The following DMD variants were observed in gnomAD, a reference collection of about 807,000 sequenced individuals.
The protein encoded by DMD is dystrophin.
In DMD, 63 loss-of-function variants were observed where a neutral mutation model predicts 330.1. The ratio of observed to expected loss-of-function variants is 0.19; its 90% CI spans 0.16 to 0.24. The LOEUF (loss-of-function observed/expected upper bound fraction) is 0.24. Ranked by LOEUF, DMD falls within the 10% of genes least tolerant of loss-of-function variation. The probability of loss-of-function intolerance (pLI) is 1.00; values close to 1 mark genes in which losing one functional copy is unlikely to be tolerated. For synonymous variants in DMD, 1,223 were observed against 959.8 expected (o/e 1.27, Z -5.07); for missense variants, 3,344 against 2,684.1 (o/e 1.25, Z -5.43).
intron 41 of DMD, 131 bp downstream of exon 41, chrX:32,341,969 C>A (rs1359121747): frequency 3.6e-5 from 24 of 669,754 alleles, no homozygotes; most frequent in South Asian, 3.4e-4. Flanking sequence ...GGAAACCACT[C>A]ACTTTCAGAA....
rs188598979 is a variant in DMD at position 32,963,009 on chromosome X, G to A, written c.93+57130C>T. Among the ~76,000 whole-genome samples, 16 of 111,504 alleles carry A rather than the reference G, an allele frequency of 1.4e-4. No homozygotes were observed. The East Asian group carries it at 4.0e-3, about 28-fold the overall frequency. ...GAAATGCCTTCTGCCTGCAAGAAGC[G>A]TCAGGAGCCCTAGAACATATGCTAA... On this transcript the variant is annotated intron_variant, in intron 2 of 78. Transcript: ENST00000357033.
At chrX:31,591,151 T>C (rs1157747607) in intron 55 of DMD, among the ~76,000 whole-genome samples, 1 of 111,990 alleles carries the variant, frequency 8.9e-6, no homozygotes, top group Non-Finnish European at 1.9e-5. Flanking sequence ...TTTGGGTATA[T>C]TGGGTTATAT....
At chrX:32,269,616 G>A (rs1292449518) in intron 43 of DMD, among the ~76,000 whole-genome samples, 1 of 111,561 alleles carries the variant, frequency 9.0e-6, no homozygotes, top group Non-Finnish European at 1.9e-5. Flanking sequence ...CGACTATATA[G>A]TAAGTGACCT....
chrX:33,090,004 TACTC>T (rs906789805), intron 1 of DMD, among the ~76,000 whole-genome samples: 1 of 111,885 alleles, frequency 8.9e-6, no homozygotes, highest in Non-Finnish European at 1.9e-5. Context: ...ACCCCTAAGA[TACTC>T]AATCATGTGA....
chrX:32,609,675 T>A (rs2057010247), intron 12 of DMD, among the ~76,000 whole-genome samples: 1 of 111,552 alleles, frequency 9.0e-6, no homozygotes, highest in Admixed American at 9.5e-5. Flanking sequence ...GCAACCCAAA[T>A]GTCTGCCTTT....
intron 1 of DMD, among the ~76,000 whole-genome samples, chrX:33,026,438 T>G (rs1046498997): frequency 9.8e-6 from 1 of 102,061 alleles, no homozygotes; most frequent in African/African-American, 3.6e-5. Context: ...GAGAAAAAAA[T>G]GAAAAATATG....
At chrX:32,298,528 T>TATATATATATATATATATATA (rs1569556403) in intron 42 of DMD, among the ~76,000 whole-genome samples, 1 of 109,989 alleles carries the variant, frequency 9.1e-6, no homozygotes, top group African/African-American at 3.4e-5. Flanking sequence ...TATATATATG[T>TATATATATATATATATATATA]CATGATTCAG....
Position 31,242,430 on chromosome X carries a change from T to C in DMD, c.9286+18525A>G, listed in dbSNP as rs763389784. ...TTTACCTGAGTATTACAAAATTTCT[T>C]CCTAGAACAATGTTTTTTTCCACTC... On this transcript the variant is annotated intron_variant, in intron 63 of 78. Coordinates refer to ENST00000357033, the MANE Select transcript of DMD (RefSeq NM_004006.3). Among the ~76,000 whole-genome samples, 15 of 110,375 alleles carry C rather than the reference T, an allele frequency of 1.4e-4. No homozygotes were observed. In the South Asian group the frequency reaches 5.9e-3, roughly 44 times the overall value.
At position 31,183,850 on chromosome X, in the gene DMD, G is replaced by A. The variant is rs189354475; in HGVS notation, c.9808-946C>T. On this transcript the variant is annotated intron_variant, in intron 67 of 78. Transcript: ENST00000357033. ...TGCATTTCTCAAGCTCTGTTTGTCT[G>A]AAAATACCTCCTTTTTTTAAAAAAA... 6.0e-3 allele frequency among the ~76,000 whole-genome samples: 579 copies of A among 96,579 alleles called. 6 individuals are homozygous for A. The highest frequency in any genetic ancestry group is 0.023 in the African/African-American group (548 of 23,580). 83.9% of individuals were successfully genotyped at this position (96,579 alleles called of 115,157 possible).
intron 34 of DMD, among the ~76,000 whole-genome samples, chrX:32,377,401 G>A (rs1294410710): frequency 8.9e-6 from 1 of 111,751 alleles, no homozygotes; most frequent in Non-Finnish European, 1.9e-5. Flanking sequence ...AACATATTTT[G>A]AGTTGTCGAT....
intron 29 of DMD, among the ~76,000 whole-genome samples, chrX:32,434,134 TTAACAGGCAA>T (rs2098249900): frequency 8.9e-6 from 1 of 112,627 alleles, no homozygotes. Flanking sequence ...TTTGACTGAT[TTAACAGGCAA>T]TTGAATGTTA....
chrX:32,516,028 G>A (rs146003228), intron 18 of DMD, among the ~76,000 whole-genome samples: 1 of 110,173 alleles, frequency 9.1e-6, no homozygotes, highest in Non-Finnish European at 1.9e-5. Flanking sequence ...AAAAGCATTT[G>A]AAAGGAGTAA....
chrX:32,241,623 G>A (rs1281138449), intron 43 of DMD, among the ~76,000 whole-genome samples: 1 of 112,320 alleles, frequency 8.9e-6, no homozygotes. Flanking sequence ...TCAGTGTCAA[G>A]TCTGTCAGGG....
chrX:31,319,448 C>G (rs953693297), intron 62 of DMD, among the ~76,000 whole-genome samples: 1 of 111,971 alleles, frequency 8.9e-6, no homozygotes, highest in Non-Finnish European at 1.9e-5. Context: ...AATTAAAATG[C>G]CTATATTTAT....
intron 7 of DMD, 78 bp from the exon 8 acceptor site, chrX:32,699,371 G>A (rs954090409): frequency 6.3e-6 from 5 of 794,604 alleles, no homozygotes; most frequent in Non-Finnish European, 9.6e-6. Flanking sequence ...ACAAATCAAA[G>A]TTAAAGGAAG....
chrX:31,678,238 C>T (rs955025120), intron 53 of DMD, among the ~76,000 whole-genome samples: 4 of 111,874 alleles, frequency 3.6e-5, no homozygotes, highest in Admixed American at 2.8e-4. Flanking sequence ...GAAAATGATA[C>T]GGTTTCCTTC....
At chrX:32,577,894 A>G (rs2053237800) in intron 13 of DMD, among the ~76,000 whole-genome samples, 1 of 112,603 alleles carries the variant, frequency 8.9e-6, no homozygotes, top group Non-Finnish European at 1.9e-5. Flanking sequence ...ACATCTGCCC[A>G]TACATTTTTG....
chrX:31,145,560 T>G (rs1257822711), intron 76 of DMD, among the ~76,000 whole-genome samples: 1 of 111,752 alleles, frequency 8.9e-6, no homozygotes, highest in Non-Finnish European at 1.9e-5. Context: ...TCAAACACAT[T>G]ATGTCCACAA....
intron 44 of DMD, among the ~76,000 whole-genome samples, chrX:32,016,156 A>G (rs1401823857): frequency 8.9e-6 from 1 of 112,043 alleles, no homozygotes; most frequent in East Asian, 2.8e-4. Flanking sequence ...ATGAAATCTT[A>G]AAGAAGAGAA....
Sources: allele counts gnomAD v4.1 joint callset (sites outside exome capture counted in the v4.1 genomes callset), GRCh38; gene constraint gnomAD v4.1.1; transcripts MANE v1.5; gene names NCBI Gene and HGNC (gene_info 2026-07-23, HGNC 2026-07-21).